The following CCNK variants were observed in gnomAD, a reference collection of about 807,000 sequenced individuals.
CCNK encodes cyclin-K.
In CCNK, 9 loss-of-function variants were observed where a neutral mutation model predicts 65.0. The observed-to-expected ratio is 0.14, with a 90% confidence interval of 0.08 to 0.24. The LOEUF (loss-of-function observed/expected upper bound fraction) is 0.24, where lower values mean the gene tolerates loss of function less well. Among genes scored for constraint, CCNK ranks in the 10% least tolerant of loss-of-function variants. CCNK has a pLI of 1.00. For synonymous variants in CCNK, 279 were observed against 270.8 expected, an observed-to-expected ratio of 1.03 and a Z score of -0.30; for missense variants, 474 against 720.0, an observed-to-expected ratio of 0.66 and a Z score of 3.91.
chr14:99,488,010 T>C (rs1416629267), intron 1 of CCNK, among the ~76,000 whole-genome samples: 1 of 152,224 alleles, frequency 6.6e-6, no homozygotes, highest in African/African-American at 2.4e-5. Context: ...GACAACTTAT[T>C]TACCTGTGGA....
rs1896865150 is a variant in CCNK, at chr14:99,502,704, T to C, written c.746-15T>C. ...TACCAATTTGTGTAAAATGTAATTG[T>C]TGGCTATCATTTAGACATCTGCCAC... On this transcript the variant is annotated splice_polypyrimidine_tract_variant and intron_variant, in intron 7 of 10. Coordinates refer to ENST00000389879, the MANE Select transcript of CCNK (RefSeq NM_001099402.2). 2 of 1,608,054 alleles carry C rather than the reference T, an allele frequency of 1.2e-6. No individual in the cohort carries two copies. The highest frequency in any genetic ancestry group is 4.5e-5 in the East Asian group (2 of 44,862).
intron 1 of CCNK, among the ~76,000 whole-genome samples, chr14:99,483,441 T>G (rs1404710667): frequency 6.6e-6 from 1 of 152,024 alleles, no homozygotes; most frequent in African/African-American, 2.4e-5. Flanking sequence ...TAGTAGCTAC[T>G]TGGGAGACTG....
At chr14:99,501,057 G>C (rs1261791417) in intron 5 of CCNK, 186 bp downstream of exon 5, 4 of 605,508 alleles carry the variant, frequency 6.6e-6, no homozygotes, top group African/African-American at 3.7e-5. Context: ...GTATAAACAG[G>C]CTCTGTCATC....
At chr14:99,493,665 T>C (rs183685260) in intron 3 of CCNK, 70 bp downstream of exon 3, 24 of 1,007,264 alleles carry the variant, frequency 2.4e-5, no homozygotes, top group Non-Finnish European at 3.3e-5. Context: ...GTGGACTAAT[T>C]ATAAGCTCTA....
intron 3 of CCNK, chr14:99,495,208 A>G (rs1463815989): frequency 2.9e-5 from 6 of 207,472 alleles, no homozygotes; most frequent in Non-Finnish European, 5.8e-5. Context: ...AGATTGGAAT[A>G]TGAGAAGAAA....
At position 99,481,442 on chromosome 14, in the gene CCNK, A is replaced by C. The variant is rs759428960; in HGVS notation, c.-90A>C. 5.6e-4 allele frequency: 224 copies of C among 398,696 alleles called. 2 individuals carry two copies. The highest frequency in any genetic ancestry group is 3.5e-3 in the Admixed American group (80 of 22,744). 24.7% of individuals were successfully genotyped at this position (398,696 alleles called of 1,614,324 possible). On this transcript the variant is annotated 5_prime_UTR_variant, in exon 1 of 11. Transcript: ENST00000389879. ...ATATACAAGATGGCCGCAGTCGGCAAGGAGAGACGTCGCTGAGGGGCTTGC... is the reference window on the plus strand; with the variant it reads ...ATATACAAGATGGCCGCAGTCGGCACGGAGAGACGTCGCTGAGGGGCTTGC...
chr14:99,502,087 C>G (rs1315031411), intron 6 of CCNK, 120 bp from the exon 7 acceptor site: 2 of 1,111,508 alleles, frequency 1.8e-6, no homozygotes, highest in Non-Finnish European at 2.5e-6. Flanking sequence ...ATTTATAGTA[C>G]TTTAATTAAA....
chr14:99,508,993 C>T (rs1453140239), intron 10 of CCNK: 1 of 152,252 alleles, frequency 6.6e-6, no homozygotes, highest in East Asian at 1.9e-4. Flanking sequence ...CACATATGAC[C>T]TTCCTACCCG....
Position 99,503,655 on chromosome 14 carries a change from G to T in CCNK, c.1045+11G>T, listed in dbSNP as rs1896898391. ...AGAACAAAGCAGCAGGTAATTTCCTGTTCTGATGTTTTTTTAGTTTTATGT... is the reference window on the plus strand; with the variant it reads ...AGAACAAAGCAGCAGGTAATTTCCTTTTCTGATGTTTTTTTAGTTTTATGT... On this transcript the variant is annotated intron_variant, in intron 9 of 10. Coordinates refer to ENST00000389879, the MANE Select transcript of CCNK (RefSeq NM_001099402.2). 6.4e-7 allele frequency: 1 copy of T among 1,553,460 alleles called. No homozygotes were observed. Among genetic ancestry groups the T allele is most frequent in the Middle Eastern group, 1.7e-4 (1 of 5,826 alleles).
chr14:99,495,401 T>G, intron 3 of CCNK, 97 bp from the exon 4 acceptor site: 1 of 1,042,392 alleles, frequency 9.6e-7, no homozygotes, highest in Non-Finnish European at 1.4e-6. Flanking sequence ...GGTAGGGGAA[T>G]GAGGAAGACC....
At chr14:99,497,440 T>G (rs934169466) in intron 4 of CCNK, among the ~76,000 whole-genome samples, 1 of 152,160 alleles carries the variant, frequency 6.6e-6, no homozygotes, top group East Asian at 1.9e-4. Context: ...CACACATAAC[T>G]CCCTCCCCTT....
At chr14:99,487,010 G>A (rs1467172245) in intron 1 of CCNK, among the ~76,000 whole-genome samples, 4 of 152,132 alleles carry the variant, frequency 2.6e-5, no homozygotes, top group Non-Finnish European at 5.9e-5. Context: ...TTAAGGCCTG[G>A]CTCATAGTAA....
chr14:99,499,014 G>A (rs981024140), intron 4 of CCNK, among the ~76,000 whole-genome samples: 1 of 152,158 alleles, frequency 6.6e-6, no homozygotes, highest in Non-Finnish European at 1.5e-5. Context: ...AGCAGGTGGT[G>A]ACAATGACAT....
intron 4 of CCNK, among the ~76,000 whole-genome samples, chr14:99,497,217 C>G (rs993218057): frequency 1.3e-5 from 2 of 152,182 alleles, no homozygotes; most frequent in Non-Finnish European, 2.9e-5. Context: ...TTTTCATAGC[C>G]TTAAAAATTC....
chr14:99,482,774 T>A (rs1896381300), intron 1 of CCNK, among the ~76,000 whole-genome samples: 1 of 152,230 alleles, frequency 6.6e-6, no homozygotes, highest in Admixed American at 6.5e-5. Flanking sequence ...TTTCTAAAAT[T>A]GAATGTCATA....
chr14:99,487,677 T>C (rs2139850751), intron 1 of CCNK, among the ~76,000 whole-genome samples: 1 of 152,352 alleles, frequency 6.6e-6, no homozygotes, highest in South Asian at 2.1e-4. Context: ...AGAATAGTTA[T>C]CTTTGGGAGG....
intron 10 of CCNK, chr14:99,509,166 T>C (rs1368248611): frequency 6.6e-6 from 1 of 152,246 alleles, no homozygotes; most frequent in African/African-American, 2.4e-5. Flanking sequence ...CCCAAGTGCC[T>C]GGGGAACCAG....
At position 99,502,839 on chromosome 14, in the gene CCNK, A is replaced by G; in HGVS notation, c.866A>G (p.Gln289Arg). 3 of 1,613,614 alleles carry G rather than the reference A, an allele frequency of 1.9e-6. No individual in the cohort carries two copies. Among genetic ancestry groups the G allele is most frequent in the Admixed American group, 3.3e-5 (2 of 59,990 alleles). ...CCTACACCACAAGTGCCGCAAGTAC[A>G]GCAGTCACAGCCGTCTCAAAGCTCC... ...LQPTPQVPQV[Q>R]QSQPSQSSEP... The change falls in exon 8 of 11, where the codon CAG becomes CGG. Residue 289 changes from glutamine (Q) to arginine (R), a missense_variant. Gln to Arg is a conservative substitution (Grantham distance 43). Transcript: ENST00000389879.
At chr14:99,494,800 G>A (rs1566748541) in intron 3 of CCNK, 1 of 152,298 alleles carries the variant, frequency 6.6e-6, no homozygotes, top group African/African-American at 2.4e-5. Context: ...GAGACTGGGA[G>A]GTGTAAGATC....
Sources: gnomAD v4.1 joint callset for allele counts (sites outside exome capture counted in the v4.1 genomes callset) on GRCh38, gnomAD v4.1.1 for gene constraint, MANE v1.5 for transcripts, NCBI Gene and HGNC (gene_info 2026-07-23, HGNC 2026-07-21) for gene names.